Variants in LARS1 observed in about 807,000 individuals in gnomAD.
LARS1 encodes the protein leucyl-tRNA synthetase 1.
In LARS1, 100 loss-of-function variants were observed where a neutral mutation model predicts 162.8. The observed-to-expected ratio is 0.61, with a 90% confidence interval of 0.52 to 0.73. The LOEUF is 0.73. LARS1 is among the 30% of genes least tolerant of loss of function. The pLI, the probability that LARS1 is intolerant of heterozygous loss-of-function variation, is 0.00. For missense variants in LARS1, 1,258 were observed against 1,408.9 expected, an observed-to-expected ratio of 0.89 and a Z score of 1.71; for synonymous variants, 457 against 462.8, an observed-to-expected ratio of 0.99 and a Z score of 0.16.
chr5:146,139,205 T>C (rs1752649033), intron 21 of LARS1, among the ~76,000 whole-genome samples: 1 of 151,818 alleles, frequency 6.6e-6, no homozygotes, highest in Non-Finnish European at 1.5e-5. Context: ...TAGCCGGGCA[T>C]GGTGGCATGC....
At position 146,152,007 on chromosome 5, in the gene LARS1, A is replaced by G; in HGVS notation, c.1285-5T>C. 6.2e-7 allele frequency: 1 copy of G among 1,613,736 alleles called. No individual in the cohort carries two copies. Among genetic ancestry groups the G allele is most frequent in the Non-Finnish European group, 8.5e-7 (1 of 1,180,018 alleles). On this transcript the variant is annotated splice_region_variant and splice_polypyrimidine_tract_variant and intron_variant, in intron 13 of 31. Transcript: ENST00000394434. ...TGGGATTTCAATGACTGGCACCTGC[A>G]GCAAACAGCAATCAGGAACGTGTTC...
chr5:146,114,073 A>T lies in LARS1; in HGVS notation c.*33T>A. The T allele has an allele frequency of 6.5e-7, 1 of 1,542,818 alleles. No homozygotes were observed. The highest frequency in any genetic ancestry group is 9.0e-7 in the Non-Finnish European group (1 of 1,116,626). ...CACAATCAGAGTAGTAGTATTCCTA[A>T]GAAACCAGGATAAATCTCCAATGTG... On this transcript the variant is annotated 3_prime_UTR_variant, in exon 32 of 32. Transcript: ENST00000394434.
At position 146,126,495 on chromosome 5, in the gene LARS1, G is replaced by A. The variant is rs148316367; in HGVS notation, c.2931C>T (p.Gly977=). 1.9e-5 allele frequency: 31 copies of A among 1,612,178 alleles called. No homozygotes were observed. The African/African-American group carries it at 3.5e-4, about 18-fold the overall frequency. The change falls in exon 28 of 32, where the codon GGC becomes GGT. Residue 977 remains glycine, a synonymous_variant. Transcript: ENST00000394434. ...PDNKVIASEL[G]SMPELKKYMK... is the part of the protein sequence containing the mutation. ...TGTATTTCTTCAGTTCTGGCATACT[G>A]CCTAGTTCACTAGCAATGACTTTGT... is the stretch of plus-strand genomic sequence containing the variant.
chr5:146,150,724 G>T (rs995010271), intron 14 of LARS1, among the ~76,000 whole-genome samples: 2 of 151,644 alleles, frequency 1.3e-5, no homozygotes, highest in Non-Finnish European at 2.9e-5. Flanking sequence ...GATCACTTGG[G>T]GTCAGGAGTT....
At chr5:146,172,832 A>G in intron 2 of LARS1, 58 bp from the exon 3 acceptor site, 4 of 875,894 alleles carry the variant, frequency 4.6e-6, no homozygotes, top group Non-Finnish European at 6.7e-6. Flanking sequence ...AGTTCCTTTT[A>G]CAATAAGGAA....
At chr5:146,156,536 A>C (rs1313910569) in intron 10 of LARS1, among the ~76,000 whole-genome samples, 2 of 152,112 alleles carry the variant, frequency 1.3e-5, no homozygotes, top group African/African-American at 4.8e-5. Flanking sequence ...TCTACTAAAA[A>C]TACAAAAAAT....
At chr5:146,142,746 T>A (rs942081494) in intron 20 of LARS1, 126 bp downstream of exon 20, 19 of 724,988 alleles carry the variant, frequency 2.6e-5, no homozygotes, top group Non-Finnish European at 3.5e-5. Context: ...ATATTTAAGA[T>A]AAGAAAAAGA....
intron 2 of LARS1, among the ~76,000 whole-genome samples, chr5:146,174,970 G>C (rs536039228): frequency 1.8e-4 from 27 of 151,826 alleles, no homozygotes; most frequent in Admixed American, 1.4e-3. Context: ...CTATAATCCC[G>C]GCACTTTGGG....
intron 9 of LARS1, 40 bp downstream of exon 9, chr5:146,157,688 T>C (rs931681200): frequency 6.2e-7 from 1 of 1,612,414 alleles, no homozygotes; most frequent in Admixed American, 1.7e-5. Flanking sequence ...AACTATCTGA[T>C]GGTTCAGAAA....
At chr5:146,157,328 C>T in intron 10 of LARS1, 75 bp downstream of exon 10, 2 of 1,314,452 alleles carry the variant, frequency 1.5e-6, no homozygotes, top group East Asian at 2.3e-5. Context: ...TTGTAATGCT[C>T]TTTTCTCAAT....
Position 146,164,324 on chromosome 5 carries a change from T to A in LARS1, c.580A>T (p.Arg194Ter). The A allele has an allele frequency of 6.2e-7, 1 of 1,614,054 alleles. No individual in the cohort carries two copies. Among genetic ancestry groups the A allele is most frequent in the South Asian group, 1.1e-5 (1 of 91,080 alleles). Residue 194 changes from arginine to a stop codon, truncating the protein, a stop_gained, in exon 6 of 32, where the codon AGA becomes TGA. Transcript: ENST00000394434. LOFTEE classifies it high-confidence loss of function. ...FPPLAIQDLK[R>*]MGLKVDWRRS... ...TATAGACATACCTTCAAACCCATTC[T>A]TTTTAAATCCTGAATAGCCAGTGGC...
chr5:146,176,664 T>C (rs966370080), intron 2 of LARS1, among the ~76,000 whole-genome samples: 2 of 152,168 alleles, frequency 1.3e-5, no homozygotes, highest in African/African-American at 2.4e-5. Flanking sequence ...AATTGATGCA[T>C]ACATTTATTA....
intron 14 of LARS1, 129 bp downstream of exon 14, chr5:146,151,733 A>T (rs1753299096): frequency 2.4e-6 from 2 of 833,970 alleles, no homozygotes; most frequent in Non-Finnish European, 3.7e-6. Context: ...AATAGAATAC[A>T]TTCTCATATT....
In LARS1 at chr5:146,172,759, A is replaced by C; in HGVS notation, c.141T>G (p.Phe47Leu). ...TCATATATGGATATGGGAAGGTTAC[A>C]AAATACTTGCCCTTGCTGCAAAACA... ...LEKQTSKGKY[F>L]VTFPYPYMNG... Residue 47 changes from phenylalanine (F) to leucine (L), a missense_variant, in exon 3 of 32, where the codon TTT becomes TTG. Transcript: ENST00000394434. The C allele has an allele frequency of 6.4e-7, 1 of 1,561,374 alleles. No individual in the cohort carries two copies. The highest frequency in any genetic ancestry group is 8.7e-7 in the Non-Finnish European group (1 of 1,153,336).
intron 31 of LARS1, among the ~76,000 whole-genome samples, chr5:146,117,203 G>A (rs1274309600): frequency 1.3e-5 from 2 of 152,142 alleles, no homozygotes; most frequent in African/African-American, 4.8e-5. Flanking sequence ...GTACAATTCT[G>A]CAGAACCTAG....
At position 146,114,238 on chromosome 5, in the gene LARS1, C is replaced by G. The variant is rs1580992675; in HGVS notation, c.3399G>C (p.Lys1133Asn). The change falls in exon 32 of 32, where the codon AAG becomes AAC. Residue 1133 changes from lysine (K) to asparagine (N), a missense_variant. Coordinates refer to ENST00000394434, the MANE Select transcript of LARS1 (RefSeq NM_020117.11). ...AAATGGGGGTCTTCTCGGTGTACTC[C>G]TTTCCCAGGACAGGAACTCGTCGAG... ...LGPRRVPVLGKEYTEKTPISE... is the reference protein window; with the variant it reads ...LGPRRVPVLGNEYTEKTPISE... 1.9e-6 allele frequency: 3 copies of G among 1,613,990 alleles called. No homozygotes were observed. The highest frequency in any genetic ancestry group is 2.5e-6 in the Non-Finnish European group (3 of 1,179,998).
intron 10 of LARS1, 137 bp downstream of exon 10, chr5:146,157,266 A>G (rs1220973551): frequency 4.1e-6 from 3 of 737,584 alleles, no homozygotes; most frequent in Non-Finnish European, 6.9e-6. Flanking sequence ...AAAATGCACC[A>G]AAACACACAA....
chr5:146,153,346 C>A, intron 12 of LARS1, 119 bp from the exon 13 acceptor site: 1 of 721,860 alleles, frequency 1.4e-6, no homozygotes. Flanking sequence ...GTTCTCCTCT[C>A]CATAGAGAGC....
At chr5:146,120,606 G>T in intron 30 of LARS1, 103 bp from the exon 31 acceptor site, 2 of 1,170,226 alleles carry the variant, frequency 1.7e-6, no homozygotes, top group Non-Finnish European at 2.4e-6. Flanking sequence ...ATCTAATTCT[G>T]GTATTTTAAA....
Sources: allele counts gnomAD v4.1 joint callset (sites outside exome capture counted in the v4.1 genomes callset), GRCh38; gene constraint gnomAD v4.1.1; transcripts MANE v1.5; gene names NCBI Gene and HGNC (gene_info 2026-07-23, HGNC 2026-07-21).